ARHGAP18: variants seen among roughly 807,000 people sequenced by gnomAD.
The protein encoded by ARHGAP18 is Rho GTPase activating protein 18.
Under a neutral mutation model 86.2 loss-of-function variants are expected in ARHGAP18, and 67 were observed. The observed-to-expected ratio is 0.78, with a 90% CI of 0.64 to 0.95. ARHGAP18 has a LOEUF of 0.95. ARHGAP18 is among the 40% of genes least tolerant of loss of function. The probability of loss-of-function intolerance (pLI) is 0.00; values close to 1 mark genes in which losing one functional copy is unlikely to be tolerated. For synonymous variants in ARHGAP18, 283 were observed against 280.4 expected (o/e 1.01, Z -0.09); for missense variants, 691 against 780.4 (o/e 0.89, Z 1.37).
intron 1 of ARHGAP18, among the ~76,000 whole-genome samples, chr6:129,643,441 G>A (rs1773510704): frequency 6.6e-6 from 1 of 152,098 alleles, no homozygotes; most frequent in Non-Finnish European, 1.5e-5. Flanking sequence ...GTGAATAAGG[G>A]TGTGTTTGCC....
At chr6:129,616,393 C>T in intron 6 of ARHGAP18, 90 bp from the exon 7 acceptor site, 4 of 995,424 alleles carry the variant, frequency 4.0e-6, no homozygotes, top group South Asian at 1.7e-5. Flanking sequence ...CTGATACTGT[C>T]GATCAGACAA....
intron 9 of ARHGAP18, 145 bp from the exon 10 acceptor site, chr6:129,606,104 TGA>T: frequency 2.8e-6 from 2 of 710,642 alleles, no homozygotes; most frequent in East Asian, 5.8e-5. Context: ...CAAGCCTTGT[TGA>T]GAGTGTGTTT....
Position 129,605,896 on chromosome 6 carries a change from G to T in ARHGAP18, c.1346C>A (p.Ala449Glu). ...GCTGACCTTCAGTGTGTCCCTGTTT[G>T]CATCAGGTAGGAGGATGACAAGAAG... ...LNLLVILLPD[A>E]NRDTLKALLE... is the part of the protein sequence containing the mutation. The change falls in exon 10 of 15, where the codon GCA becomes GAA. Residue 449 changes from alanine to glutamate, a missense_variant. Physicochemically the swap from Ala to Glu is moderately radical, Grantham distance 107. Transcript: ENST00000368149. 1.2e-6 allele frequency: 2 copies of T among 1,613,342 alleles called. No homozygotes were observed. The highest frequency in any genetic ancestry group is 1.7e-6 in the Non-Finnish European group (2 of 1,179,420).
chr6:129,642,081 A>T (rs1645514179), intron 1 of ARHGAP18, 63 bp from the exon 2 acceptor site: 1 of 1,427,922 alleles, frequency 7.0e-7, no homozygotes, highest in Non-Finnish European at 9.8e-7. Flanking sequence ...AATTTCTAAG[A>T]CATCACAGCA....
At chr6:129,693,564 T>C (rs1774563076) in intron 1 of ARHGAP18, among the ~76,000 whole-genome samples, 1 of 152,116 alleles carries the variant, frequency 6.6e-6, no homozygotes, top group African/African-American at 2.4e-5. Context: ...CAAATGCTGC[T>C]AGGAAGAGCC....
At chr6:129,656,666 A>T (rs1352307299) in intron 1 of ARHGAP18, among the ~76,000 whole-genome samples, 9 of 137,898 alleles carry the variant, frequency 6.5e-5, no homozygotes, top group Non-Finnish European at 1.4e-4. Context: ...AAAAATAAAA[A>T]ATAAAAAAAA....
intron 1 of ARHGAP18, among the ~76,000 whole-genome samples, chr6:129,653,450 C>T (rs1226808206): frequency 1.3e-5 from 2 of 152,102 alleles, no homozygotes; most frequent in Non-Finnish European, 2.9e-5. Flanking sequence ...GTATAGAAGG[C>T]CGGGAAGTGT....
intron 1 of ARHGAP18, among the ~76,000 whole-genome samples, chr6:129,668,713 A>G (rs146946581): frequency 2.9e-4 from 44 of 151,924 alleles, no homozygotes; most frequent in Admixed American, 4.6e-4. Context: ...CACCCTCCAC[A>G]CTTCCCTAAC....
At chr6:129,687,515 T>C (rs899161697) in intron 1 of ARHGAP18, among the ~76,000 whole-genome samples, 1 of 152,180 alleles carries the variant, frequency 6.6e-6, no homozygotes, top group Non-Finnish European at 1.5e-5. Flanking sequence ...AGCAGGGCTG[T>C]ACTGAGGACG....
At chr6:129,594,927 CCTT>C (rs1788585966) in intron 12 of ARHGAP18, among the ~76,000 whole-genome samples, 1 of 152,104 alleles carries the variant, frequency 6.6e-6, no homozygotes, top group Admixed American at 6.6e-5. Flanking sequence ...TGGTATATAT[CCTT>C]CTTAGAGTCC....
At chr6:129,680,617 G>C (rs1774307949) in intron 1 of ARHGAP18, among the ~76,000 whole-genome samples, 1 of 152,162 alleles carries the variant, frequency 6.6e-6, no homozygotes, top group African/African-American at 2.4e-5. Flanking sequence ...CCCTACACAG[G>C]GCCAGTTCTC....
chr6:129,708,053 A>G (rs1281011643), intron 1 of ARHGAP18, among the ~76,000 whole-genome samples: 2 of 151,912 alleles, frequency 1.3e-5, no homozygotes, highest in African/African-American at 4.8e-5. Flanking sequence ...CCTCCCCCAT[A>G]GCAATTACAG....
intron 1 of ARHGAP18, among the ~76,000 whole-genome samples, chr6:129,655,276 G>C (rs1171636003): frequency 7.5e-6 from 1 of 133,216 alleles, no homozygotes; most frequent in Non-Finnish European, 1.5e-5. Flanking sequence ...CTGAGATCAT[G>C]CCATTGCACT....
Position 129,634,027 on chromosome 6 carries a change from A to G in ARHGAP18, c.616+15T>C, listed in dbSNP as rs1269459316. ...GGCGGAAAAAAAAAAAAACAAGAGA[A>G]CAGGTTCAACATACCATCTCTTCCT... On this transcript the variant is annotated intron_variant, in intron 4 of 14. Transcript: ENST00000368149. 1.3e-6 allele frequency: 2 copies of G among 1,586,580 alleles called. No homozygotes were observed. Among genetic ancestry groups the G allele is most frequent in the Non-Finnish European group, 1.7e-6 (2 of 1,169,306 alleles).
chr6:129,690,224 C>T (rs1422197943), intron 1 of ARHGAP18, among the ~76,000 whole-genome samples: 1 of 151,972 alleles, frequency 6.6e-6, no homozygotes, highest in Non-Finnish European at 1.5e-5. Flanking sequence ...CTTATATTAT[C>T]TTCACATACA....
At chr6:129,599,095 A>C in intron 12 of ARHGAP18, 121 bp downstream of exon 12, 1 of 793,150 alleles carries the variant, frequency 1.3e-6, no homozygotes, top group Non-Finnish European at 1.8e-6. Context: ...TTTCACTTAC[A>C]AGTAGCACCA....
At chr6:129,651,968 G>A (rs947415511) in intron 1 of ARHGAP18, among the ~76,000 whole-genome samples, 1 of 152,332 alleles carries the variant, frequency 6.6e-6, no homozygotes, top group Non-Finnish European at 1.5e-5. Context: ...CAATGTGAAG[G>A]ACATGGTGAG....
chr6:129,665,840 T>C (rs1003703548), intron 1 of ARHGAP18, among the ~76,000 whole-genome samples: 2 of 152,104 alleles, frequency 1.3e-5, no homozygotes, highest in African/African-American at 4.8e-5. Context: ...TTACCTCTTT[T>C]CAGAGTTCAG....
At chr6:129,596,607 T>A (rs1486741822) in intron 12 of ARHGAP18, among the ~76,000 whole-genome samples, 1 of 152,204 alleles carries the variant, frequency 6.6e-6, no homozygotes, top group African/African-American at 2.4e-5. Flanking sequence ...TAATTTATAT[T>A]TCAAGTACCC....
Sources: gnomAD v4.1 joint callset for allele counts (sites outside exome capture counted in the v4.1 genomes callset) on GRCh38, gnomAD v4.1.1 for gene constraint, MANE v1.5 for transcripts, NCBI Gene and HGNC (gene_info 2026-07-23, HGNC 2026-07-21) for gene names.